The following CDKL4 variants were observed in gnomAD, a reference collection of about 807,000 sequenced individuals.
CDKL4 encodes cyclin dependent kinase like 4.
Under a neutral mutation model 42.0 loss-of-function variants are expected in CDKL4, and 44 were observed. The observed-to-expected ratio is 1.05, with a 90% CI of 0.82 to 1.35. The LOEUF is 1.35. CDKL4 is among the 40% of genes most tolerant of loss of function. The probability of loss-of-function intolerance (pLI) is 0.00; values close to 1 mark genes in which losing one functional copy is unlikely to be tolerated. For synonymous variants in CDKL4, 120 were observed against 121.6 expected (o/e 0.99, Z 0.09); for missense variants, 393 against 369.9 (o/e 1.06, Z -0.51).
intron 4 of CDKL4, among the ~76,000 whole-genome samples, chr2:39,210,073 T>C (rs1046152565): frequency 9.2e-5 from 14 of 152,284 alleles, no homozygotes; most frequent in African/African-American, 3.4e-4. Flanking sequence ...TTGTAACCTC[T>C]GCCTCTCGAG....
intron 5 of CDKL4, among the ~76,000 whole-genome samples, chr2:39,197,563 G>A (rs868717095): frequency 5.3e-5 from 8 of 152,142 alleles, no homozygotes; most frequent in Non-Finnish European, 1.2e-4. Context: ...TCAAGACAAA[G>A]GAAAGAATAT....
At chr2:39,245,173 T>C (rs986096927), upstream of CDKL4, among the ~76,000 whole-genome samples, 2 of 152,214 alleles carry the variant, frequency 1.3e-5, no homozygotes, top group Non-Finnish European at 2.9e-5. Flanking sequence ...CAACAAATCT[T>C]GCTACTGCTC....
At chr2:39,229,470 G>A (rs1191055811) in exon 2 of CDKL4, 1 of 1,613,210 alleles carries the variant, frequency 6.2e-7, no homozygotes, top group Non-Finnish European at 8.5e-7. Context: ...TTTTGTTTCT[G>A]CATTTGAATA....
intron 1 of CDKL4, among the ~76,000 whole-genome samples, chr2:39,239,533 T>TA (rs1454366638): frequency 6.6e-6 from 1 of 152,126 alleles, no homozygotes; most frequent in Non-Finnish European, 1.5e-5. Context: ...CAACCCAATT[T>TA]AAAAATGGAC....
At chr2:39,217,958 C>A (rs1025990350) in intron 3 of CDKL4, among the ~76,000 whole-genome samples, 8 of 152,086 alleles carry the variant, frequency 5.3e-5, no homozygotes, top group African/African-American at 1.9e-4. Context: ...GTCTTGAACT[C>A]CTGACCTCAG....
At chr2:39,174,748 G>A (rs1184983968), downstream of CDKL4, among the ~76,000 whole-genome samples, 1 of 152,166 alleles carries the variant, frequency 6.6e-6, no homozygotes, top group East Asian at 1.9e-4. Context: ...GCCTAACAGT[G>A]ATAGCCCTAT....
At chr2:39,186,302 T>C (rs1675823852) in intron 7 of CDKL4, among the ~76,000 whole-genome samples, 1 of 152,202 alleles carries the variant, frequency 6.6e-6, no homozygotes, top group African/African-American at 2.4e-5. Context: ...CTAGAGATGG[T>C]TGGGACCATT....
downstream of CDKL4, among the ~76,000 whole-genome samples, chr2:39,175,388 ATT>A (rs2148273383): frequency 6.6e-6 from 1 of 152,262 alleles, no homozygotes; most frequent in Non-Finnish European, 1.5e-5. Flanking sequence ...TTTGTATGTA[ATT>A]TTCTCTAGCT....
At chr2:39,216,441 T>A in intron 3 of CDKL4, among the ~76,000 whole-genome samples, 1 of 152,176 alleles carries the variant, frequency 6.6e-6, no homozygotes, top group Non-Finnish European at 1.5e-5. Context: ...GATCTAGATC[T>A]CAATAAGAAA....
At chr2:39,226,986 C>G (rs1316544396) in intron 2 of CDKL4, among the ~76,000 whole-genome samples, 1 of 152,024 alleles carries the variant, frequency 6.6e-6, no homozygotes, top group African/African-American at 2.4e-5. Context: ...AGGCTGGTCT[C>G]ACGTGGACAG....
intron 3 of CDKL4, among the ~76,000 whole-genome samples, chr2:39,217,077 T>A (rs1573000231): frequency 6.6e-6 from 1 of 152,168 alleles, no homozygotes. Flanking sequence ...AGAGTACACA[T>A]CGACGCGGCG....
intron 1 of CDKL4, among the ~76,000 whole-genome samples, chr2:39,234,623 T>C (rs942215033): frequency 6.6e-6 from 1 of 152,156 alleles, no homozygotes; most frequent in Non-Finnish European, 1.5e-5. Context: ...CATTAGGTAG[T>C]TGGGAAAACT....
downstream of CDKL4, among the ~76,000 whole-genome samples, chr2:39,174,537 A>T (rs1192441313): frequency 1.3e-5 from 2 of 152,220 alleles, no homozygotes; most frequent in Non-Finnish European, 2.9e-5. Flanking sequence ...ACTTTTAGAC[A>T]CGAACATAGG....
At chr2:39,205,649 A>T (rs914024019) in intron 4 of CDKL4, among the ~76,000 whole-genome samples, 3 of 150,986 alleles carry the variant, frequency 2.0e-5, no homozygotes, top group Non-Finnish European at 4.4e-5. Flanking sequence ...AGTCCCAGCT[A>T]CTCAGGAGGC....
upstream of CDKL4, among the ~76,000 whole-genome samples, chr2:39,244,212 G>A (rs1280449416): frequency 6.6e-6 from 1 of 152,226 alleles, no homozygotes; most frequent in Non-Finnish European, 1.5e-5. Flanking sequence ...TGCACTGTGG[G>A]AGCCCCTTTC....
intron 4 of CDKL4, among the ~76,000 whole-genome samples, chr2:39,207,788 A>T (rs1177552559): frequency 1.3e-5 from 2 of 152,216 alleles, no homozygotes; most frequent in African/African-American, 2.4e-5. Flanking sequence ...ATACTGAAGA[A>T]ATTTAAAAGG....
At chr2:39,228,270 C>T (rs1005805985) in intron 2 of CDKL4, among the ~76,000 whole-genome samples, 5 of 152,142 alleles carry the variant, frequency 3.3e-5, no homozygotes, top group Non-Finnish European at 7.3e-5. Context: ...GGCTAGCTGA[C>T]CGGCGCGCCC....
intron 8 of CDKL4, among the ~76,000 whole-genome samples, chr2:39,180,870 T>G: frequency 6.6e-6 from 1 of 152,114 alleles, no homozygotes; most frequent in Non-Finnish European, 1.5e-5. Context: ...TTTGTATTTT[T>G]AGTAGAGACA....
In CDKL4 at chr2:39,194,630, A is replaced by G. The variant is rs1052784180; in HGVS notation, c.455-4128T>C. On this transcript the variant is annotated intron_variant, in intron 5 of 9. Transcript: ENST00000451199. Reference sequence around the variant, plus strand: ...TCTGTGAACTGTCAATATCTTGCTAATTTTTCTATTCAGAGCTTTTGTGGT... The same window carrying G: ...TCTGTGAACTGTCAATATCTTGCTAGTTTTTCTATTCAGAGCTTTTGTGGT... Among the ~76,000 whole-genome samples the G allele has an allele frequency of 3.9e-5, 6 of 152,236 alleles. No individual in the cohort carries two copies. In the South Asian group the frequency reaches 1.2e-3, roughly 32 times the overall value.
Sources: gnomAD v4.1 joint callset for allele counts (sites outside exome capture counted in the v4.1 genomes callset) on GRCh38, gnomAD v4.1.1 for gene constraint, MANE v1.5 for transcripts, NCBI Gene and HGNC (gene_info 2026-07-23, HGNC 2026-07-21) for gene names.